Variants in MCF2L observed in about 807,000 individuals in gnomAD.
The protein encoded by MCF2L is MCF.2 cell line derived transforming sequence like.
In MCF2L, 97 loss-of-function variants were observed where a neutral mutation model predicts 153.4. That is an observed-to-expected ratio of 0.63 (90% CI 0.54 to 0.75). MCF2L has a LOEUF of 0.75. MCF2L is among the 30% of genes least tolerant of loss of function. The pLI is 0.00. For synonymous variants in MCF2L, 659 were observed against 632.2 expected, an observed-to-expected ratio of 1.04 and a Z score of -0.64; for missense variants, 1,347 against 1,495.2, an observed-to-expected ratio of 0.90 and a Z score of 1.64.
At chr13:112,968,081 ACTTCTTC>A (rs1294871644), upstream of MCF2L, 1 of 193,406 alleles carries the variant, frequency 5.2e-6, no homozygotes, top group Non-Finnish European at 9.8e-6. Flanking sequence ...GGAAATGTGT[ACTTCTTC>A]CTGCTGGAAT....
chr13:113,009,998 C>T (rs1348124210), intron 1 of MCF2L: 1 of 152,164 alleles, frequency 6.6e-6, no homozygotes, highest in East Asian at 1.9e-4. Flanking sequence ...GACTTGTCCT[C>T]TCCTCTGCCC....
At chr13:112,921,492 G>A (rs1434815352) in intron 2 of MCF2L, among the ~76,000 whole-genome samples, 2 of 152,138 alleles carry the variant, frequency 1.3e-5, no homozygotes, top group Non-Finnish European at 2.9e-5. Flanking sequence ...GGAACCAAAC[G>A]ACCTCCCACC....
intron 2 of MCF2L, among the ~76,000 whole-genome samples, chr13:113,021,119 C>T (rs1594696953): frequency 6.6e-6 from 1 of 152,070 alleles, no homozygotes; most frequent in South Asian, 2.1e-4. Context: ...TACACATCCA[C>T]ATGCATATGT....
intron 2 of MCF2L, among the ~76,000 whole-genome samples, chr13:112,922,706 G>A (rs1041972480): frequency 5.3e-5 from 8 of 152,150 alleles, no homozygotes; most frequent in Admixed American, 2.6e-4. Context: ...GTGGTGGCAC[G>A]TGCCTGTAGT....
At chr13:112,963,260 T>A (rs4907568) in intron 2 of MCF2L, among the ~76,000 whole-genome samples, 99,351 of 152,126 alleles carry the variant, frequency 0.65, 32,741 homozygotes, top group Non-Finnish European at 0.71. Context: ...CGTGGAATCT[T>A]AAGTTGCTTT....
intron 2 of MCF2L, 50 bp from the exon 3 acceptor site, chr13:113,024,594 C>G (rs1343409897): frequency 7.8e-7 from 1 of 1,276,436 alleles, no homozygotes; most frequent in Admixed American, 1.7e-5. Context: ...TGTGGAACCC[C>G]CGGGGGCATG....
At chr13:113,051,913 C>T (rs772984603) in intron 4 of MCF2L, among the ~76,000 whole-genome samples, 5 of 151,816 alleles carry the variant, frequency 3.3e-5, no homozygotes, top group Non-Finnish European at 7.4e-5. Flanking sequence ...ATGGATGAAT[C>T]CATTCATGAG....
Position 113,027,085 on chromosome 13 carries a change from C to G in MCF2L, c.278+2327C>G. ...ATCCTTAAATATGGCATCTGTATCC[C>G]GCACATTACATAAGGTGGCAAAACA... On this transcript the variant is annotated intron_variant, in intron 3 of 29. Coordinates refer to ENST00000535094, the MANE Select transcript of MCF2L (RefSeq NM_001112732.3). This position sits in a 1 kb window ranked among gnomAD's most constrained non-coding sequence, Gnocchi z 4.8. 1 of 753,324 alleles carries G rather than the reference C, an allele frequency of 1.3e-6. No individual in the cohort carries two copies. The highest frequency in any genetic ancestry group is 2.4e-6 in the Non-Finnish European group (1 of 409,662). The allele number at this position is 753,324 out of a possible 1,614,324, so 46.7% of individuals were successfully genotyped here. A position where few individuals can be genotyped will look rare whatever the true frequency, so the allele number is the denominator to read the frequency against.
In MCF2L at chr13:113,044,858, C is replaced by T. The variant is rs200111582; in HGVS notation, c.279-413C>T. ...AGTGAATCCTTAACGTGGACCAGCA[C>T]GGGCACCTCAGATGCCAGGACCGGC... On this transcript the variant is annotated intron_variant, in intron 3 of 29. Transcript: ENST00000535094. 1.2e-4 allele frequency: 193 copies of T among 1,612,910 alleles called. 4 individuals are homozygous for T. In the African/African-American group the frequency reaches 2.0e-3, roughly 17 times the overall value.
Position 113,070,725 on chromosome 13 carries a change from G to T in MCF2L, c.996+552G>T, listed in dbSNP as rs2032829699. On this transcript the variant is annotated intron_variant, in intron 9 of 29. Coordinates refer to ENST00000535094, the MANE Select transcript of MCF2L (RefSeq NM_001112732.3). This position sits in a 1 kb window ranked among gnomAD's most constrained non-coding sequence, Gnocchi z 5.6. ...GAATCCCACAGAATGTCACTCTCGGGATTTGTTTGTTTGCTCAGCACAGCT... is the reference window on the plus strand; with the variant it reads ...GAATCCCACAGAATGTCACTCTCGGTATTTGTTTGTTTGCTCAGCACAGCT... 1.3e-5 allele frequency among the ~76,000 whole-genome samples: 2 copies of T among 152,194 alleles called. No individual in the cohort carries two copies.
chr13:113,024,855 G>A lies in MCF2L; in HGVS notation c.278+97G>A, dbSNP rs1000771174. On this transcript the variant is annotated intron_variant, in intron 3 of 29. Coordinates refer to ENST00000535094, the MANE Select transcript of MCF2L (RefSeq NM_001112732.3). ...GTCCCTGCAACTATGGGATGAGGCA[G>A]AGTCCCTGTGAGATTTCCCTGTCAT... 2.0e-5 allele frequency: 18 copies of A among 906,314 alleles called. No individual in the cohort carries two copies. The East Asian group carries it at 4.7e-4, about 24-fold the overall frequency. 56.1% of individuals were successfully genotyped at this position (906,314 alleles called of 1,614,324 possible).
chr13:113,085,186 C>T lies in MCF2L; in HGVS notation c.2247+8C>T, dbSNP rs764595231. ...TACCAGCTGCTGCTCAAGGTGGGCT[C>T]CGCGGTGACCGTGGCCCGGCCTCCC... is the stretch of plus-strand genomic sequence containing the variant. On this transcript the variant is annotated splice_region_variant and intron_variant, in intron 20 of 29. Coordinates refer to ENST00000535094, the MANE Select transcript of MCF2L (RefSeq NM_001112732.3). 77 of 1,612,174 alleles carry T rather than the reference C, an allele frequency of 4.8e-5. No individual in the cohort carries two copies. Among genetic ancestry groups the T allele is most frequent in the Non-Finnish European group, 6.4e-5 (76 of 1,179,464 alleles).
chr13:113,090,532 G>A, intron 26 of MCF2L: 2 of 983,434 alleles, frequency 2.0e-6, no homozygotes, highest in East Asian at 2.3e-4. Flanking sequence ...TGGTGGCAGA[G>A]GCCGCTCAGC....
At chr13:112,970,187 A>T (rs2081990583) in intron 1 of MCF2L, among the ~76,000 whole-genome samples, 1 of 152,164 alleles carries the variant, frequency 6.6e-6, no homozygotes, top group Admixed American at 6.5e-5. Flanking sequence ...GGAAATAATG[A>T]TATATCATTA....
chr13:113,095,713 C>T (rs1407172079), intron 27 of MCF2L: 5 of 992,772 alleles, frequency 5.0e-6, no homozygotes, highest in South Asian at 4.6e-5. Flanking sequence ...GCCCTGCAGC[C>T]GGCAGCACCC....
rs1293219843 is a variant in MCF2L at position 113,045,444 on chromosome 13, C to T, written c.369+83C>T. 15 of 1,204,040 alleles carry T rather than the reference C, an allele frequency of 1.2e-5. No individual in the cohort carries two copies. Among genetic ancestry groups the T allele is most frequent in the Non-Finnish European group, 1.7e-5 (14 of 819,756 alleles). The allele number at this position is 1,204,040 out of a possible 1,614,324, so 74.6% of individuals were successfully genotyped here. Reference sequence around the variant, plus strand: ...CATGGTGCCCTTCCTCTGTGTCTGCCGCAGTTCCTGCTTTGTGCTGAGTGG... The same window carrying T: ...CATGGTGCCCTTCCTCTGTGTCTGCTGCAGTTCCTGCTTTGTGCTGAGTGG... On this transcript the variant is annotated intron_variant, in intron 4 of 29. Transcript: ENST00000535094. This position sits in a 1 kb window ranked among gnomAD's most constrained non-coding sequence, Gnocchi z 4.2.
chr13:112,989,364 C>T (rs1261706463), intron 1 of MCF2L, among the ~76,000 whole-genome samples: 3 of 138,502 alleles, frequency 2.2e-5, no homozygotes, highest in Admixed American at 7.0e-5. Context: ...GGAGCTACCA[C>T]GCCAGAGTCC....
At chr13:112,938,920 G>T (rs1356820384) in intron 2 of MCF2L, among the ~76,000 whole-genome samples, 5 of 152,184 alleles carry the variant, frequency 3.3e-5, no homozygotes, top group Non-Finnish European at 5.9e-5. Context: ...CCACGCGGGG[G>T]CCAGGCAGGT....
At chr13:112,934,215 T>C (rs1447281770) in intron 2 of MCF2L, among the ~76,000 whole-genome samples, 1 of 152,222 alleles carries the variant, frequency 6.6e-6, no homozygotes, top group African/African-American at 2.4e-5. Flanking sequence ...ACTGTCACCA[T>C]ATGCAGCATG....
Sources: allele counts gnomAD v4.1 joint callset (sites outside exome capture counted in the v4.1 genomes callset), GRCh38; gene constraint gnomAD v4.1.1; non-coding constraint Gnocchi (gnomAD v3.1); transcripts MANE v1.5; gene names NCBI Gene and HGNC (gene_info 2026-07-23, HGNC 2026-07-21).